MSI2: variants seen among roughly 807,000 people sequenced by gnomAD.
MSI2 encodes the protein RNA-binding protein Musashi homolog 2.
MSI2 carries 17 observed loss-of-function variants against 45.6 expected under a neutral mutation model. That is an observed-to-expected ratio of 0.37 (90% CI 0.26 to 0.56). MSI2 has a LOEUF of 0.56. MSI2 is among the 20% of genes least tolerant of loss of function. MSI2 has a pLI of 0.77. For synonymous variants in MSI2, 156 were observed against 158.2 expected (o/e 0.99, Z 0.11); for missense variants, 293 against 444.2 (o/e 0.66, Z 3.06).
At chr17:57,466,161 C>T (rs1333629256) in intron 6 of MSI2, among the ~76,000 whole-genome samples, 1 of 152,154 alleles carries the variant, frequency 6.6e-6, no homozygotes, top group Non-Finnish European at 1.5e-5. Flanking sequence ...GGCCCTGTCA[C>T]TCTTCATTTC....
chr17:57,364,464 A>G (rs1400286551), intron 5 of MSI2, among the ~76,000 whole-genome samples: 2 of 152,228 alleles, frequency 1.3e-5, no homozygotes, highest in Non-Finnish European at 2.9e-5. Context: ...GGCATCAAGG[A>G]TGGCAGAAAC....
the MSI2 span, among the ~76,000 whole-genome samples, chr17:57,690,160 T>C: frequency 3.3e-5 from 5 of 152,088 alleles, no homozygotes; most frequent in African/African-American, 4.8e-5. Context: ...TTTTTTTTTT[T>C]TTTTTTTAGT....
chr17:57,320,545 A>G (rs1253531825), intron 5 of MSI2, among the ~76,000 whole-genome samples: 1 of 152,186 alleles, frequency 6.6e-6, no homozygotes. Context: ...ACTAGTTTGC[A>G]GAGTGCTTGG....
At chr17:57,599,082 G>C (rs72834913) in intron 8 of MSI2, among the ~76,000 whole-genome samples, 92 of 152,352 alleles carry the variant, frequency 6.0e-4, no homozygotes, top group Non-Finnish European at 9.6e-4. Flanking sequence ...AAGGCTGCTG[G>C]GCAGTGGGGA....
intron 6 of MSI2, among the ~76,000 whole-genome samples, chr17:57,423,863 T>C (rs1014762916): frequency 1.7e-4 from 26 of 152,178 alleles, no homozygotes; most frequent in Non-Finnish European, 3.7e-4. Flanking sequence ...TTTTCCAGTT[T>C]TTCTCTTGCG....
At chr17:57,336,162 G>A (rs539350492) in intron 5 of MSI2, among the ~76,000 whole-genome samples, 58 of 152,330 alleles carry the variant, frequency 3.8e-4, no homozygotes, top group African/African-American at 1.1e-3. Flanking sequence ...GGTGAGGACG[G>A]TGGTGAGAAG....
chr17:57,337,990 T>G (rs1423529804), intron 5 of MSI2, among the ~76,000 whole-genome samples: 1 of 152,250 alleles, frequency 6.6e-6, no homozygotes, highest in African/African-American at 2.4e-5. Context: ...AAAAACATGA[T>G]TTTTAATTGG....
intron 5 of MSI2, chr17:57,364,952 G>A (rs1917084410): frequency 6.6e-6 from 1 of 151,430 alleles, no homozygotes; most frequent in Non-Finnish European, 1.5e-5. Flanking sequence ...CATGGCACAG[G>A]ATTTTTGCCC....
At chr17:57,430,393 G>A (rs2084572552) in intron 6 of MSI2, among the ~76,000 whole-genome samples, 1 of 152,058 alleles carries the variant, frequency 6.6e-6, no homozygotes. Context: ...GGTAATCAGT[G>A]TCCACACTGC....
intron 6 of MSI2, chr17:57,522,241 T>C (rs888559712): frequency 1.3e-5 from 2 of 152,212 alleles, no homozygotes; most frequent in Non-Finnish European, 2.9e-5. Context: ...TATAGTATCA[T>C]GGTATTGCAT....
At chr17:57,548,898 T>TCCCCCCCCCCCCCCCCCCC (rs758120237) in intron 7 of MSI2, among the ~76,000 whole-genome samples, 77 of 121,240 alleles carry the variant, frequency 6.4e-4, no homozygotes, top group African/African-American at 7.9e-4. Flanking sequence ...TGTTTACCCT[T>TCCCCCCCCCCCCCCCCCCC]CCCCCCCCCA....
intron 5 of MSI2, among the ~76,000 whole-genome samples, chr17:57,315,234 G>A (rs989048023): frequency 7.9e-5 from 12 of 152,300 alleles, no homozygotes; most frequent in East Asian, 3.9e-4. Flanking sequence ...CAGCCCTGCC[G>A]GATACCAATG....
rs1447030230 is a variant in MSI2 at position 57,563,744 on chromosome 17, G to GCACA, written c.455-33123_455-33122insACAC. 1.8e-3 allele frequency among the ~76,000 whole-genome samples: 204 copies of GCACA among 115,780 alleles called. 2 individuals carry two copies. The highest frequency in any genetic ancestry group is 7.6e-3 in the African/African-American group (188 of 24,714). The allele number at this position is 115,780 out of a possible 152,430, so 76.0% of individuals were successfully genotyped here. A position where few individuals can be genotyped will look rare whatever the true frequency, so the allele number is the denominator to read the frequency against. ...CTTTCCCTCTCACACACACACAGGC[G>GCACA]CGCACACACACACACACACACACAC... is the stretch of plus-strand genomic sequence containing the variant. On this transcript the variant is annotated intron_variant, in intron 7 of 13. Coordinates refer to ENST00000284073, the MANE Select transcript of MSI2 (RefSeq NM_138962.4).
In MSI2 at chr17:57,529,492, G is replaced by A. The variant is rs1329709115; in HGVS notation, c.406-184G>A. 6.8e-6 allele frequency among the ~76,000 whole-genome samples: 1 copy of A among 146,778 alleles called. No individual in the cohort carries two copies. Among genetic ancestry groups the A allele is most frequent in the Non-Finnish European group, 1.5e-5 (1 of 67,384 alleles). ...ATATAAAATGTTAACTGTATACAAC[G>A]GTGTGGAGTGGAAAGACCACTGTTT... On this transcript the variant is annotated intron_variant, in intron 6 of 13. Transcript: ENST00000284073. The surrounding 1 kb of genome is among the most constrained non-coding windows in gnomAD (Gnocchi z 5.3).
chr17:57,686,533 A>C (rs181985137), downstream of MSI2, among the ~76,000 whole-genome samples: 24 of 152,308 alleles, frequency 1.6e-4, no homozygotes, highest in Middle Eastern at 6.8e-3. Flanking sequence ...AACACACTTA[A>C]AGTGATGAAA....
intron 5 of MSI2, among the ~76,000 whole-genome samples, chr17:57,325,186 G>C (rs1053707294): frequency 1.3e-5 from 2 of 152,216 alleles, no homozygotes; most frequent in African/African-American, 4.8e-5. Flanking sequence ...CTTGGATAGA[G>C]CTGGAGGCCA....
chr17:57,455,577 A>G (rs749977195), intron 6 of MSI2, among the ~76,000 whole-genome samples: 34 of 152,108 alleles, frequency 2.2e-4, no homozygotes, highest in Non-Finnish European at 3.2e-4. Context: ...CTCTCTCCTC[A>G]TGCCCCCTGA....
chr17:57,658,872 C>T (rs754224891), intron 11 of MSI2, among the ~76,000 whole-genome samples: 9 of 152,256 alleles, frequency 5.9e-5, no homozygotes, highest in East Asian at 1.9e-4. Context: ...CATAAGGGCG[C>T]GCAGAGCACA....
At chr17:57,599,722 C>T (rs1236280610) in intron 8 of MSI2, among the ~76,000 whole-genome samples, 1 of 152,192 alleles carries the variant, frequency 6.6e-6, no homozygotes, top group Non-Finnish European at 1.5e-5. Flanking sequence ...ACGTTCCCAG[C>T]ACAGCCCAAC....
Sources: allele counts gnomAD v4.1 joint callset (sites outside exome capture counted in the v4.1 genomes callset), GRCh38; gene constraint gnomAD v4.1.1; non-coding constraint Gnocchi (gnomAD v3.1); transcripts MANE v1.5; gene names NCBI Gene and HGNC (gene_info 2026-07-23, HGNC 2026-07-21).